PPP1R12C: variants seen among roughly 807,000 people sequenced by gnomAD.
PPP1R12C encodes the protein leukocyte receptor cluster (LRC) encoded novel gene 3.
Under a neutral mutation model 95.6 loss-of-function variants are expected in PPP1R12C, and 48 were observed. The observed-to-expected ratio is 0.50, with a 90% confidence interval of 0.40 to 0.64. The LOEUF is 0.64. Among genes scored for constraint, PPP1R12C ranks in the 30% least tolerant of loss-of-function variants. The pLI, the probability that PPP1R12C is intolerant of heterozygous loss-of-function variation, is 0.00. For missense variants in PPP1R12C, 1,057 were observed against 1,083.3 expected, an observed-to-expected ratio of 0.98 and a Z score of 0.34; for synonymous variants, 480 against 460.8, an observed-to-expected ratio of 1.04 and a Z score of -0.53.
intron 11 of PPP1R12C, 149 bp from the exon 12 acceptor site, chr19:55,094,947 A>G (rs1279145530): frequency 6.4e-6 from 6 of 940,698 alleles, no homozygotes; most frequent in Non-Finnish European, 9.8e-6. Flanking sequence ...AAAGCCATGA[A>G]AAGACCAGCA....
intron 1 of PPP1R12C, 54 bp from the exon 2 acceptor site, chr19:55,112,849 C>T: frequency 6.2e-7 from 1 of 1,602,790 alleles, no homozygotes; most frequent in Non-Finnish European, 8.5e-7. Context: ...GGTGTCCCAG[C>T]AAGTCGGGAC....
intron 15 of PPP1R12C, 53 bp downstream of exon 15, chr19:55,092,963 T>C: frequency 1.9e-6 from 3 of 1,567,124 alleles, no homozygotes; most frequent in Admixed American, 1.9e-5. Context: ...AAGAAGACTA[T>C]GGGAGAAACT....
At chr19:55,099,172 G>A in intron 4 of PPP1R12C, 77 bp from the exon 5 acceptor site, 1 of 1,427,638 alleles carries the variant, frequency 7.0e-7, no homozygotes, top group Non-Finnish European at 9.2e-7. Flanking sequence ...CAGCGGTTTG[G>A]TAACGAGGTC....
intron 6 of PPP1R12C, 81 bp downstream of exon 6, chr19:55,098,703 G>C: frequency 6.5e-7 from 1 of 1,548,670 alleles, no homozygotes; most frequent in Non-Finnish European, 8.9e-7. Context: ...GAAGTCGGGG[G>C]GGTTCCCCCT....
intron 11 of PPP1R12C, 186 bp downstream of exon 11, chr19:55,095,105 G>A (rs1291697969): frequency 5.4e-6 from 4 of 743,300 alleles, no homozygotes; most frequent in African/African-American, 1.8e-5. Context: ...AGATAGGGGA[G>A]AAGGTGACGT....
At position 55,092,466 on chromosome 19, in the gene PPP1R12C, T is replaced by G; in HGVS notation, c.2031A>C (p.Glu677Asp). Reference protein sequence around the residue: ...DLNPEPEPESEEPDGGFRTLY... With the variant: ...DLNPEPEPESDEPDGGFRTLY... ...CCGTCCTAAAGCCTCCGTCTGGCTCTTCCGATTCTGGCTCAGGTTCTGGGT... is the reference window on the plus strand; with the variant it reads ...CCGTCCTAAAGCCTCCGTCTGGCTCGTCCGATTCTGGCTCAGGTTCTGGGT... Residue 677 changes from glutamate to aspartate, a missense_variant, in exon 18 of 22, where the codon GAA becomes GAC. Coordinates refer to ENST00000263433, the MANE Select transcript of PPP1R12C (RefSeq NM_017607.4). The G allele has an allele frequency of 3.7e-6, 6 of 1,609,828 alleles. No individual in the cohort carries two copies. Among genetic ancestry groups the G allele is most frequent in the Non-Finnish European group, 5.1e-6 (6 of 1,178,472 alleles).
chr19:55,101,183 G>A (rs962547988), intron 4 of PPP1R12C, among the ~76,000 whole-genome samples: 1 of 152,044 alleles, frequency 6.6e-6, no homozygotes. Flanking sequence ...AGGGGACAGA[G>A]GTTGCAGTGA....
chr19:55,113,137 C>T lies in PPP1R12C; in HGVS notation c.322-342G>A, dbSNP rs1449976424. ...AACCCCCGTCACCACCCACAGGTGGCGCTTCCAGTGCTCAGACTAGGGAAG... is the reference window on the plus strand; with the variant it reads ...AACCCCCGTCACCACCCACAGGTGGTGCTTCCAGTGCTCAGACTAGGGAAG... On this transcript the variant is annotated intron_variant, in intron 1 of 21. Transcript: ENST00000263433. The T allele has an allele frequency of 1.2e-5, 6 of 512,750 alleles. 1 individual carries two copies. The highest frequency in any genetic ancestry group is 1.0e-3 in the Middle Eastern group (2 of 1,962). 31.8% of individuals were successfully genotyped at this position (512,750 alleles called of 1,614,324 possible).
chr19:55,095,728 A>T, intron 9 of PPP1R12C, 125 bp from the exon 10 acceptor site: 1 of 1,520,876 alleles, frequency 6.6e-7, no homozygotes, highest in Non-Finnish European at 9.0e-7. Flanking sequence ...CACAGCCTAA[A>T]AAGGAAGCCG....
Position 55,117,460 on chromosome 19 carries a change from C to T in PPP1R12C, c.84G>A (p.Gln28=), listed in dbSNP as rs940930300. ...GCTCGGCGCCCGCCCGCGCCCCCCA[C>T]TGCCGCAGCTGCTCCCGTCGCCGCT... ...ARERRREQLR[Q]WGARAGAEPG... The change falls in exon 1 of 22, where the codon CAG becomes CAA. Residue 28 remains glutamine, a synonymous_variant. Transcript: ENST00000263433. The T allele has an allele frequency of 1.2e-5, 12 of 1,004,204 alleles. No homozygotes were observed. Among genetic ancestry groups the T allele is most frequent in the African/African-American group, 3.5e-5 (2 of 56,908 alleles). 62.2% of individuals were successfully genotyped at this position (1,004,204 alleles called of 1,614,324 possible).
chr19:55,102,484 C>G (rs1464401902), intron 4 of PPP1R12C, among the ~76,000 whole-genome samples: 1 of 152,176 alleles, frequency 6.6e-6, no homozygotes, highest in Non-Finnish European at 1.5e-5. Flanking sequence ...TGCACTCCAG[C>G]CTAGGTGACA....
At chr19:55,106,901 T>A (rs1174962984) in intron 3 of PPP1R12C, among the ~76,000 whole-genome samples, 1 of 152,186 alleles carries the variant, frequency 6.6e-6, no homozygotes, top group African/African-American at 2.4e-5. Context: ...CCAGTGAGCA[T>A]CACGCACAGG....
At chr19:55,093,419 G>GC (rs374768126) in intron 13 of PPP1R12C, among the ~76,000 whole-genome samples, 186 bp from the exon 14 acceptor site, 1 of 2,042 alleles carries the variant, frequency 4.9e-4, no homozygotes, top group African/African-American at 4.1e-3. Flanking sequence ...AGGAGTCCAG[G>GC]CCCCAGCCCC....
chr19:55,091,821 G>A (rs772083296), intron 20 of PPP1R12C, 38 bp downstream of exon 20: 7 of 1,612,670 alleles, frequency 4.3e-6, no homozygotes, highest in Non-Finnish European at 5.9e-6. Context: ...GTGAGGCTGG[G>A]GACGCCTCTG....
chr19:55,093,167 G>T lies in PPP1R12C; in HGVS notation c.1750C>A (p.Pro584Thr). 6.2e-7 allele frequency: 1 copy of T among 1,613,650 alleles called. No homozygotes were observed. The highest frequency in any genetic ancestry group is 8.5e-7 in the Non-Finnish European group (1 of 1,179,944). The change falls in exon 14 of 22, where the codon CCG (proline) becomes ACG (threonine). Residue 584 changes from proline to threonine, a missense_variant. Physicochemically the swap from Pro to Thr is conservative, Grantham distance 38 (BLOSUM62 -1). This residue lies in a region of PPP1R12C where 347 missense variants were observed against 307.9 expected (regional missense o/e 1.13). Transcript: ENST00000263433. Reference sequence around the variant, plus strand: ...ACCCCTCTCACCAGGCTCTGCGCCGGCTTCTCTGACTCTGGGGCCTTCCCT... The same window carrying T: ...ACCCCTCTCACCAGGCTCTGCGCCGTCTTCTCTGACTCTGGGGCCTTCCCT... ...AAGKAPESEK[P>T]AQSLDPSRRP...
chr19:55,110,355 C>T (rs1050034817), intron 3 of PPP1R12C, among the ~76,000 whole-genome samples: 33 of 146,544 alleles, frequency 2.3e-4, no homozygotes, highest in African/African-American at 7.6e-4. Context: ...AAGGTTGGTG[C>T]GGTGGGTGAG....
rs564520864 is a variant in PPP1R12C at position 55,100,891 on chromosome 19, C to T, written c.732-1796G>A. On this transcript the variant is annotated intron_variant, in intron 4 of 21. Transcript: ENST00000263433. The stretch of plus-strand genomic sequence containing the variant: ...CCTCCCAAAGTGCTGGGATTACAGG[C>T]GTGATCCACCACGCCCAGCCTGCAA... Among the ~76,000 whole-genome samples the T allele has an allele frequency of 7.2e-5, 11 of 152,266 alleles. No individual in the cohort carries two copies. The East Asian group carries it at 1.9e-3, about 27-fold the overall frequency.
intron 3 of PPP1R12C, among the ~76,000 whole-genome samples, chr19:55,103,860 TA>T (rs1285933185): frequency 1.3e-5 from 2 of 151,790 alleles, no homozygotes; most frequent in Non-Finnish European, 2.9e-5. Context: ...ATTTTTAATA[TA>T]AAACCATGGC....
At chr19:55,102,848 T>C (rs1209548576) in intron 4 of PPP1R12C, among the ~76,000 whole-genome samples, 1 of 152,366 alleles carries the variant, frequency 6.6e-6, no homozygotes, top group East Asian at 1.9e-4. Flanking sequence ...ACCCATTCTC[T>C]GACCACAATG....
Sources: gnomAD v4.1 joint callset for allele counts (sites outside exome capture counted in the v4.1 genomes callset) on GRCh38, gnomAD v4.1.1 for gene constraint, gnomAD v4.1.1 regional missense constraint, MANE v1.5 for transcripts, NCBI Gene and HGNC (gene_info 2026-07-23, HGNC 2026-07-21) for gene names.